Variants in SUN1 observed in about 807,000 individuals in gnomAD.
SUN1 encodes SUN domain-containing protein 1.
In SUN1, 61 loss-of-function variants were observed where a neutral mutation model predicts 103.2. The observed-to-expected ratio is 0.59, with a 90% confidence interval of 0.48 to 0.73. SUN1 has a LOEUF of 0.73. Ranked by LOEUF, SUN1 falls within the 30% of genes least tolerant of loss-of-function variation. The pLI is 0.00. For synonymous variants in SUN1, 490 were observed against 425.7 expected, an observed-to-expected ratio of 1.15 and a Z score of -1.86; for missense variants, 1,052 against 1,034.6, an observed-to-expected ratio of 1.02 and a Z score of -0.23.
upstream of SUN1, chr7:815,888 G>A: frequency 4.4e-6 from 1 of 229,036 alleles, no homozygotes. Context: ...GCGGCGGCCA[G>A]CAATGGGAGA....
chr7:827,857 G>T (rs1436254037), upstream of SUN1, among the ~76,000 whole-genome samples: 1 of 152,102 alleles, frequency 6.6e-6, no homozygotes, highest in African/African-American at 2.4e-5. Flanking sequence ...TACTGTAAAA[G>T]GTAAATGGTA....
rs1028503859 is a variant in SUN1 at position 874,317 on chromosome 7, C to T, written c.*986C>T. The T allele has an allele frequency of 2.0e-5, 3 of 152,658 alleles. No individual in the cohort carries two copies. The highest frequency in any genetic ancestry group is 7.2e-5 in the African/African-American group (3 of 41,446). 9.5% of individuals were successfully genotyped at this position (152,658 alleles called of 1,614,324 possible). A position where few individuals can be genotyped will look rare whatever the true frequency, so the allele number is the denominator to read the frequency against. On this transcript the variant is annotated 3_prime_UTR_variant, in exon 19 of 19. Transcript: ENST00000401592. ...CTTTTATCACAGCTGTCACCATTCT[C>T]ACGTGATTCTTGTGAGACTCTTTTT...
intron 5 of SUN1, 161 bp downstream of exon 5, chr7:843,681 T>C: frequency 6.8e-7 from 1 of 1,465,192 alleles, no homozygotes. Flanking sequence ...CTTCCTGTCC[T>C]CTTCTAGTTT....
At position 860,390 on chromosome 7, in the gene SUN1, G is replaced by A. The variant is rs763042320; in HGVS notation, c.1779+8G>A. 3.7e-6 allele frequency: 6 copies of A among 1,610,174 alleles called. No individual in the cohort carries two copies. The highest frequency in any genetic ancestry group is 3.3e-5 in the Admixed American group (2 of 59,986). On this transcript the variant is annotated splice_region_variant and intron_variant, in intron 14 of 18. Coordinates refer to ENST00000401592, the MANE Select transcript of SUN1 (RefSeq NM_001130965.3). ...TCTGGAATAACAGAGGCGGTGAGTC[G>A]GCGAGTCGGCGGCAAGAGATGCTTA... is the stretch of plus-strand genomic sequence containing the variant.
chr7:865,590 G>T (rs1379002808), intron 15 of SUN1, among the ~76,000 whole-genome samples: 2 of 152,196 alleles, frequency 1.3e-5, no homozygotes, highest in Non-Finnish European at 2.9e-5. Context: ...CTTCCTTTCT[G>T]TCGGGGGTGC....
chr7:871,222 G>A (rs575952981), intron 17 of SUN1, among the ~76,000 whole-genome samples: 2 of 152,100 alleles, frequency 1.3e-5, no homozygotes, highest in African/African-American at 2.4e-5. Flanking sequence ...TGCCTTTTTT[G>A]TAAATTCTAG....
chr7:849,811 G>A (rs576774360), intron 5 of SUN1: 51 of 1,215,802 alleles, frequency 4.2e-5, no homozygotes, highest in African/African-American at 1.3e-4. Flanking sequence ...TGACTGTCTC[G>A]TGTGTAATTG....
rs1329473944 is a variant in SUN1, at chr7:819,191, T to C, written c.-74+2518T>C. ...TTCTCCGTTTTTAAATTGGGTTGCC[T>C]CTTTTTTTTTTTTTTTGAGTTGTCA... On this transcript the variant is annotated intron_variant, in intron 1 of 17. Coordinates refer to the SUN1 transcript ENST00000389574. Among the ~76,000 whole-genome samples the C allele has an allele frequency of 6.4e-5, 8 of 125,324 alleles. No homozygotes were observed. The East Asian group carries it at 1.4e-3, about 22-fold the overall frequency. 82.2% of individuals were successfully genotyped at this position (125,324 alleles called of 152,430 possible). A position where few individuals can be genotyped will look rare whatever the true frequency, so the allele number is the denominator to read the frequency against.
At chr7:860,857 G>A (rs544256582) in intron 14 of SUN1, among the ~76,000 whole-genome samples, 1 of 152,144 alleles carries the variant, frequency 6.6e-6, no homozygotes, top group African/African-American at 2.4e-5. Context: ...GTGTATGCGA[G>A]GGAACTCCCT....
chr7:857,780 A>G (rs778367263), intron 12 of SUN1, 48 bp from the exon 13 acceptor site: 11 of 1,504,580 alleles, frequency 7.3e-6, no homozygotes, highest in Non-Finnish European at 8.9e-6. Context: ...TGGGAAGCGT[A>G]TAGGCTGGGA....
upstream of SUN1, among the ~76,000 whole-genome samples, chr7:829,241 C>T (rs1235202237): frequency 1.3e-5 from 2 of 152,218 alleles, no homozygotes; most frequent in East Asian, 3.8e-4. Context: ...AGACAGGTGA[C>T]CGAGGCAGCC....
chr7:832,848 C>T (rs1271536476), intron 1 of SUN1: 5 of 473,448 alleles, frequency 1.1e-5, no homozygotes, highest in Non-Finnish European at 1.9e-5. Context: ...GGCTTCGACC[C>T]CACCCAGGTG....
At chr7:856,036 G>A (rs963599562) in intron 11 of SUN1, among the ~76,000 whole-genome samples, 9 of 152,180 alleles carry the variant, frequency 5.9e-5, no homozygotes, top group East Asian at 5.8e-4. Flanking sequence ...TGCCTCTGCC[G>A]TGTCCCTGTC....
upstream of SUN1, chr7:816,041 C>G (rs1176206079): frequency 9.2e-6 from 2 of 217,258 alleles, no homozygotes; most frequent in Non-Finnish European, 1.9e-5. Context: ...CAGACCCCTC[C>G]CCCGGATCCA....
chr7:851,324 G>A, intron 5 of SUN1, 60 bp from the exon 6 acceptor site: 1 of 1,463,234 alleles, frequency 6.8e-7, no homozygotes, highest in Non-Finnish European at 9.3e-7. Context: ...CCACCGTGCT[G>A]TCACTGCAGA....
At chr7:860,048 G>A in intron 13 of SUN1, 80 bp from the exon 14 acceptor site, 1 of 1,519,256 alleles carries the variant, frequency 6.6e-7, no homozygotes, top group Non-Finnish European at 8.9e-7. Flanking sequence ...ATTCTTCTGA[G>A]GTATCTAAGA....
intron 1 of SUN1, among the ~76,000 whole-genome samples, chr7:826,541 G>T (rs1792173797): frequency 6.6e-6 from 1 of 152,220 alleles, no homozygotes; most frequent in Non-Finnish European, 1.5e-5. Context: ...GCTTGTGGCA[G>T]ATGGCGCTCT....
At chr7:840,651 T>C in intron 2 of SUN1, among the ~76,000 whole-genome samples, 1 of 150,734 alleles carries the variant, frequency 6.6e-6, no homozygotes, top group East Asian at 1.9e-4. Flanking sequence ...TTTTTTTTTT[T>C]TTTTTTTTGA....
At position 873,227 on chromosome 7, in the gene SUN1, G is replaced by A. The variant is rs768700424; in HGVS notation, c.2254G>A (p.Asp752Asn). 2.9e-5 allele frequency: 47 copies of A among 1,614,074 alleles called. No individual in the cohort carries two copies. The highest frequency in any genetic ancestry group is 1.1e-4 in the East Asian group (5 of 44,900). Residue 752 changes from aspartate (D) to asparagine (N), a missense_variant, in exon 19 of 19, where the codon GAC becomes AAC. Coordinates refer to ENST00000401592, the MANE Select transcript of SUN1 (RefSeq NM_001130965.3). The stretch of plus-strand genomic sequence containing the variant: ...ACCTTGATTTCAGAAAAGACCCGAC[G>A]ACACAGCTTTCCAAATAGTGGAACT... Reference protein sequence around the residue: ...QMFQALKRPDDTAFQIVELRI... With the variant: ...QMFQALKRPDNTAFQIVELRI...
Sources: allele counts gnomAD v4.1 joint callset (sites outside exome capture counted in the v4.1 genomes callset), GRCh38; gene constraint gnomAD v4.1.1; transcripts MANE v1.5; gene names NCBI Gene and HGNC (gene_info 2026-07-23, HGNC 2026-07-21).